The following CNIH3 variants were observed in gnomAD, a reference collection of about 807,000 sequenced individuals.
CNIH3 encodes the protein protein cornichon homolog 3.
A neutral mutation model predicts 24.1 loss-of-function variants in CNIH3; 14 were observed. That is an observed-to-expected ratio of 0.58 (90% confidence interval 0.38 to 0.91). The LOEUF (loss-of-function observed/expected upper bound fraction) is 0.91. Ranked by LOEUF, CNIH3 falls within the 40% of genes least tolerant of loss-of-function variation. The pLI is 0.00. For missense variants in CNIH3, 178 were observed against 196.8 expected, an observed-to-expected ratio of 0.90 and a Z score of 0.57; for synonymous variants, 68 against 73.8, an observed-to-expected ratio of 0.92 and a Z score of 0.40.
intron 1 of CNIH3, among the ~76,000 whole-genome samples, chr1:224,492,549 A>G (rs1168523131): frequency 6.6e-6 from 1 of 152,240 alleles, no homozygotes; most frequent in Non-Finnish European, 1.5e-5. Context: ...GGTTTTGGGT[A>G]GTTTATAGAT....
intron 1 of CNIH3, among the ~76,000 whole-genome samples, chr1:224,623,023 C>T (rs1683354700): frequency 6.6e-6 from 1 of 152,172 alleles, no homozygotes; most frequent in Admixed American, 6.5e-5. Flanking sequence ...GGACTTGGCT[C>T]CTGGTCACTG....
Position 224,531,387 on chromosome 1 carries a change from A to G in CNIH3, n.344-5549A>G, listed in dbSNP as rs541097692. Among the ~76,000 whole-genome samples, 12 of 152,306 alleles carry G rather than the reference A, an allele frequency of 7.9e-5. 1 individual carries two copies. The East Asian group carries it at 9.6e-4, about 12-fold the overall frequency. On this transcript the variant is annotated intron_variant and non_coding_transcript_variant, in intron 2 of 2. Transcript: ENST00000470602. ...ATGAAGAGGTGCACTGTGTACCTTT[A>G]TATAATACAGGGGTCTAAGATAGGA...
chr1:224,684,816 C>T lies in CNIH3; in HGVS notation c.171C>T (p.Ile57=), dbSNP rs761360602. ...PVHARERLRN[I]ERICFLLRKL... is the part of the protein sequence containing the mutation. ...GATAGAGGGAACGGTTGAGGAACATCGAGCGCATCTGCTTCCTTCTGCGAA... is the reference window on the plus strand; with the variant it reads ...GATAGAGGGAACGGTTGAGGAACATTGAGCGCATCTGCTTCCTTCTGCGAA... Residue 57 remains isoleucine (I), a synonymous_variant, in exon 3 of 6, where the codon ATC becomes ATT. Transcript: ENST00000272133. This position sits in a 1 kb window ranked among gnomAD's most constrained non-coding sequence, Gnocchi z 4.2. 34 of 1,613,954 alleles carry T rather than the reference C, an allele frequency of 2.1e-5. No individual in the cohort carries two copies. Among genetic ancestry groups the T allele is most frequent in the Admixed American group, 1.5e-4 (9 of 60,004 alleles).
At chr1:224,486,458 T>C (rs1677035682) in intron 1 of CNIH3, among the ~76,000 whole-genome samples, 1 of 152,234 alleles carries the variant, frequency 6.6e-6, no homozygotes, top group South Asian at 2.1e-4. Context: ...GTGTTTTGTT[T>C]ATACTCTCTA....
rs974544458 is a variant in CNIH3, at chr1:224,684,802, C to T, written c.157C>T (p.Arg53Trp). ...DQCNPVHARERLRNIERICFL... is the reference protein window; with the variant it reads ...DQCNPVHAREWLRNIERICFL... ...TTCTTGTGCATCCTGATAGAGGGAA[C>T]GGTTGAGGAACATCGAGCGCATCTG... The change falls in exon 3 of 6, where the codon CGG (arginine) becomes TGG (tryptophan). Residue 53 changes from arginine to tryptophan, a missense_variant. Coordinates refer to ENST00000272133, the MANE Select transcript of CNIH3 (RefSeq NM_152495.2). The surrounding 1 kb of genome is among the most constrained non-coding windows in gnomAD (Gnocchi z 4.2). 1.3e-5 allele frequency: 21 copies of T among 1,613,698 alleles called. No homozygotes were observed. Among genetic ancestry groups the T allele is most frequent in the African/African-American group, 4.0e-5 (3 of 74,888 alleles).
intron 3 of CNIH3, among the ~76,000 whole-genome samples, chr1:224,710,120 A>ACATC (rs1688057076): frequency 6.6e-6 from 1 of 152,234 alleles, no homozygotes; most frequent in Non-Finnish European, 1.5e-5. Flanking sequence ...GGTTGATCAC[A>ACATC]GGTAATTTAA....
intron 4 of CNIH3, among the ~76,000 whole-genome samples, chr1:224,581,505 A>G (rs1681271952): frequency 6.6e-6 from 1 of 152,188 alleles, no homozygotes; most frequent in East Asian, 1.9e-4. Flanking sequence ...GAGTGGTACA[A>G]ATAATAATCA....
chr1:224,723,770 G>A (rs1257979079), intron 3 of CNIH3, among the ~76,000 whole-genome samples: 1 of 152,208 alleles, frequency 6.6e-6, no homozygotes, highest in Admixed American at 6.5e-5. Context: ...AGCCATGAGG[G>A]TCCAATTCTG....
At chr1:224,572,245 G>A (rs1680848357) in intron 4 of CNIH3, among the ~76,000 whole-genome samples, 1 of 152,190 alleles carries the variant, frequency 6.6e-6, no homozygotes, top group East Asian at 1.9e-4. Context: ...GCCCAGTGTG[G>A]TGGCTCATGT....
chr1:224,491,135 C>T (rs1677220329), intron 1 of CNIH3, among the ~76,000 whole-genome samples: 1 of 152,166 alleles, frequency 6.6e-6, no homozygotes, highest in Non-Finnish European at 1.5e-5. Flanking sequence ...CGGAGTCCTT[C>T]TCAGGCCATA....
chr1:224,508,743 C>T (rs997478729), intron 1 of CNIH3, among the ~76,000 whole-genome samples: 5 of 152,170 alleles, frequency 3.3e-5, no homozygotes, highest in Non-Finnish European at 7.4e-5. Context: ...CAGCTTCTCC[C>T]ACTAATCATA....
At chr1:224,637,414 G>A (rs544219012) in intron 1 of CNIH3, among the ~76,000 whole-genome samples, 24 of 150,106 alleles carry the variant, frequency 1.6e-4, no homozygotes, top group African/African-American at 5.4e-4. Context: ...CTGTCTCTGG[G>A]TTGCATTCTC....
chr1:224,650,712 G>A (rs1359344186), intron 1 of CNIH3, among the ~76,000 whole-genome samples: 2 of 152,174 alleles, frequency 1.3e-5, no homozygotes, highest in Non-Finnish European at 2.9e-5. Flanking sequence ...CTATGTGCGC[G>A]AGGATATAGA....
At chr1:224,478,650 T>C (rs2103008072) in intron 1 of CNIH3, among the ~76,000 whole-genome samples, 1 of 152,376 alleles carries the variant, frequency 6.6e-6, no homozygotes, top group South Asian at 2.1e-4. Flanking sequence ...TGGTTCCTGG[T>C]ACCTTATTTA....
At chr1:224,538,254 A>G (rs572256339), downstream of CNIH3, among the ~76,000 whole-genome samples, 1 of 152,000 alleles carries the variant, frequency 6.6e-6, no homozygotes, top group East Asian at 1.9e-4. Flanking sequence ...TGGCCCAGAC[A>G]TGTTAATTAA....
intron 5 of CNIH3, 77 bp downstream of exon 5, chr1:224,734,783 G>T: frequency 6.6e-7 from 1 of 1,504,894 alleles, no homozygotes; most frequent in East Asian, 2.3e-5. Context: ...TCTGGGAGGC[G>T]TCCTTTGGGA....
Position 224,713,511 on chromosome 1 carries a change from C to T in CNIH3, c.199-16951C>T, listed in dbSNP as rs550333645. ...AGGCAATATGACTTCAGGAAAGTTACTCTGAGTTCTCTGAGCTTCACTTTC... is the reference window on the plus strand; with the variant it reads ...AGGCAATATGACTTCAGGAAAGTTATTCTGAGTTCTCTGAGCTTCACTTTC... On this transcript the variant is annotated intron_variant, in intron 3 of 5. Coordinates refer to ENST00000272133, the MANE Select transcript of CNIH3 (RefSeq NM_152495.2). 2.6e-3 allele frequency among the ~76,000 whole-genome samples: 402 copies of T among 152,280 alleles called. 2 individuals are homozygous for T. Among genetic ancestry groups the T allele is most frequent in the Non-Finnish European group, 4.3e-3 (295 of 68,028 alleles).
At chr1:224,672,898 G>A (rs887299168) in intron 1 of CNIH3, among the ~76,000 whole-genome samples, 29 of 152,198 alleles carry the variant, frequency 1.9e-4, no homozygotes, top group Non-Finnish European at 1.5e-5. Flanking sequence ...GTTTCTAGGA[G>A]GTTTGGGGCA....
intron 3 of CNIH3, 182 bp from the exon 4 acceptor site, chr1:224,730,280 A>G: frequency 1.8e-6 from 1 of 562,490 alleles, no homozygotes; most frequent in Non-Finnish European, 3.2e-6. Context: ...GAGGAGTGCC[A>G]TAAAAAGAAG....
Sources: allele counts gnomAD v4.1 joint callset (sites outside exome capture counted in the v4.1 genomes callset), GRCh38; gene constraint gnomAD v4.1.1; non-coding constraint Gnocchi (gnomAD v3.1); transcripts MANE v1.5; gene names NCBI Gene and HGNC (gene_info 2026-07-23, HGNC 2026-07-21).